CLDN16: variants seen among roughly 807,000 people sequenced by gnomAD.
The protein encoded by CLDN16 is claudin 16.
Under a neutral mutation model 24.6 loss-of-function variants are expected in CLDN16, and 13 were observed. The observed-to-expected ratio is 0.53, with a 90% CI of 0.34 to 0.84. The LOEUF is 0.84. Among genes scored for constraint, CLDN16 ranks in the 40% least tolerant of loss-of-function variants. The pLI is 0.01. For synonymous variants in CLDN16, 116 were observed against 106.7 expected, an observed-to-expected ratio of 1.09 and a Z score of -0.54; for missense variants, 298 against 292.7, an observed-to-expected ratio of 1.02 and a Z score of -0.13.
the CLDN16 span, among the ~76,000 whole-genome samples, chr3:190,293,731 T>C: frequency 1.3e-5 from 2 of 152,182 alleles, no homozygotes; most frequent in Non-Finnish European, 2.9e-5. Flanking sequence ...AGACAAAGAA[T>C]GTATTCAACA....
At chr3:190,407,596 A>T (rs1324760141) in intron 3 of CLDN16, among the ~76,000 whole-genome samples, 1 of 152,176 alleles carries the variant, frequency 6.6e-6, no homozygotes, top group East Asian at 1.9e-4. Flanking sequence ...ATACCTTTAA[A>T]ATAACAGGAC....
chr3:190,404,998 G>C, intron 3 of CLDN16, 72 bp downstream of exon 3: 1 of 1,466,668 alleles, frequency 6.8e-7, no homozygotes, highest in Admixed American at 1.7e-5. Context: ...GGAGAGAGTT[G>C]TGCTGAAGCT....
intron 1 of CLDN16, among the ~76,000 whole-genome samples, chr3:190,341,189 C>T (rs913855233): frequency 1.3e-5 from 2 of 152,148 alleles, no homozygotes; most frequent in African/African-American, 2.4e-5. Flanking sequence ...CTAGGTGGTG[C>T]CCCAGTAGGG....
At chr3:190,339,748 T>C (rs1717387515) in intron 1 of CLDN16, among the ~76,000 whole-genome samples, 1 of 152,218 alleles carries the variant, frequency 6.6e-6, no homozygotes, top group Non-Finnish European at 1.5e-5. Context: ...AAAAAATTAC[T>C]ACTACTCCTG....
At chr3:190,342,201 T>C (rs1396089460) in intron 1 of CLDN16, among the ~76,000 whole-genome samples, 8 of 152,284 alleles carry the variant, frequency 5.3e-5, no homozygotes, top group Non-Finnish European at 1.2e-4. Context: ...CTGGTACCAA[T>C]TTACTGTATT....
chr3:190,365,520 T>C (rs925541146), intron 1 of CLDN16, among the ~76,000 whole-genome samples: 13 of 148,458 alleles, frequency 8.8e-5, no homozygotes, highest in African/African-American at 2.7e-4. Flanking sequence ...AGTTCTAGTA[T>C]TTCTACTTCA....
chr3:190,313,543 T>C, the CLDN16 span, among the ~76,000 whole-genome samples: 1 of 152,152 alleles, frequency 6.6e-6, no homozygotes, highest in Non-Finnish European at 1.5e-5. Context: ...AAAAAATAAA[T>C]GTTTTATAGA....
At chr3:190,346,672 A>G (rs1717557013) in intron 1 of CLDN16, among the ~76,000 whole-genome samples, 1 of 152,152 alleles carries the variant, frequency 6.6e-6, no homozygotes, top group Admixed American at 6.5e-5. Flanking sequence ...GGATACCAGT[A>G]AGGTCATAGG....
intron 1 of CLDN16, among the ~76,000 whole-genome samples, chr3:190,325,325 A>ATT (rs142400549): frequency 6.7e-6 from 1 of 150,120 alleles, no homozygotes; most frequent in Admixed American, 6.6e-5. Flanking sequence ...ATCGAGGACA[A>ATT]TTTTTTTTTT....
chr3:190,387,440 T>G (rs1022554953), upstream of CLDN16, among the ~76,000 whole-genome samples: 5 of 152,204 alleles, frequency 3.3e-5, no homozygotes, highest in African/African-American at 9.7e-5. Context: ...TTCTTAGTCA[T>G]GTTAATATTT....
chr3:190,333,574 CT>C (rs1560080561), intron 1 of CLDN16, among the ~76,000 whole-genome samples: 22 of 73,556 alleles, frequency 3.0e-4, no homozygotes, highest in African/African-American at 1.0e-3. Flanking sequence ...ATCTATCTAT[CT>C]ATCTATCAAT....
chr3:190,395,864 ACT>A (rs906916049), intron 1 of CLDN16, among the ~76,000 whole-genome samples: 69 of 149,776 alleles, frequency 4.6e-4, no homozygotes, highest in Admixed American at 1.3e-3. Context: ...GTGTATATTT[ACT>A]CTCTCTCTCT....
chr3:190,405,294 C>T (rs1422679618), intron 3 of CLDN16, among the ~76,000 whole-genome samples: 3 of 151,664 alleles, frequency 2.0e-5, no homozygotes, highest in Admixed American at 6.6e-5. Flanking sequence ...CATGGTGGTG[C>T]ACACCTGTAG....
At chr3:190,377,554 G>A (rs534779787) in intron 3 of CLDN16, among the ~76,000 whole-genome samples, 1 of 151,948 alleles carries the variant, frequency 6.6e-6, no homozygotes, top group Non-Finnish European at 1.5e-5. Context: ...TCTGTTTAAA[G>A]TCTCCTTAGA....
intron 2 of CLDN16, among the ~76,000 whole-genome samples, chr3:190,373,411 T>C (rs1718183587): frequency 1.3e-5 from 2 of 151,964 alleles, no homozygotes; most frequent in Admixed American, 1.3e-4. Context: ...GAACATATAA[T>C]TTTATGAGTA....
upstream of CLDN16, chr3:190,387,732 C>G (rs1718540276): frequency 7.4e-6 from 2 of 270,324 alleles, no homozygotes; most frequent in Non-Finnish European, 1.4e-5. Flanking sequence ...TGGGGCTGTT[C>G]TACGCAACAC....
the CLDN16 span, among the ~76,000 whole-genome samples, chr3:190,314,704 A>G: frequency 2.6e-5 from 4 of 152,150 alleles, no homozygotes; most frequent in Non-Finnish European, 4.4e-5. Flanking sequence ...ACGCCTGGCC[A>G]TAATCTCTTT....
chr3:190,369,916 T>C (rs1448662951), intron 1 of CLDN16, among the ~76,000 whole-genome samples: 1 of 151,992 alleles, frequency 6.6e-6, no homozygotes, highest in African/African-American at 2.4e-5. Context: ...TCTGAGTAGA[T>C]GAAACCTGTG....
At chr3:190,299,020 T>A in the CLDN16 span, among the ~76,000 whole-genome samples, 3 of 152,198 alleles carry the variant, frequency 2.0e-5, no homozygotes, top group African/African-American at 7.2e-5. Context: ...AGTATAATGT[T>A]AGTATTCCTT....
Sources: gnomAD v4.1 joint callset for allele counts (sites outside exome capture counted in the v4.1 genomes callset) on GRCh38, gnomAD v4.1.1 for gene constraint, MANE v1.5 for transcripts, NCBI Gene and HGNC (gene_info 2026-07-23, HGNC 2026-07-21) for gene names.